Variants in MAGI1 observed in about 807,000 individuals in gnomAD.
MAGI1 encodes the protein membrane-associated guanylate kinase, WW and PDZ domain-containing protein 1.
MAGI1 carries 58 observed loss-of-function variants against 139.9 expected under a neutral mutation model. The observed-to-expected ratio is 0.41, with a 90% CI of 0.34 to 0.52. The LOEUF is 0.52. Among genes scored for constraint, MAGI1 ranks in the 20% least tolerant of loss-of-function variants. MAGI1 has a pLI of 0.12. For missense variants in MAGI1, 1,874 were observed against 1,901.6 expected (o/e 0.99, Z 0.27); for synonymous variants, 812 against 737.9 (o/e 1.10, Z -1.63).
At chr3:65,921,121 C>T (rs550504840) in intron 1 of MAGI1, among the ~76,000 whole-genome samples, 64 of 152,086 alleles carry the variant, frequency 4.2e-4, no homozygotes, top group African/African-American at 1.4e-3. Context: ...TATAATTGCA[C>T]AGAAAATGCA....
chr3:65,565,431 A>G (rs2080568709), intron 2 of MAGI1, among the ~76,000 whole-genome samples: 1 of 152,192 alleles, frequency 6.6e-6, no homozygotes, highest in Non-Finnish European at 1.5e-5. Flanking sequence ...AGCAAAACAA[A>G]AAACAAAACT....
At chr3:65,826,143 C>T (rs1330567652) in intron 1 of MAGI1, among the ~76,000 whole-genome samples, 1 of 151,880 alleles carries the variant, frequency 6.6e-6, no homozygotes, top group African/African-American at 2.4e-5. Context: ...AAAAAATACA[C>T]CAAATGGTAA....
intron 1 of MAGI1, among the ~76,000 whole-genome samples, chr3:65,919,282 C>T (rs1560012833): frequency 6.6e-6 from 1 of 152,132 alleles, no homozygotes; most frequent in Non-Finnish European, 1.5e-5. Context: ...TACACAAGGG[C>T]CAGATGTAAT....
In MAGI1 at chr3:65,667,923, T is replaced by A. The variant is rs145835415; in HGVS notation, c.314-45835A>T. Among the ~76,000 whole-genome samples the A allele has an allele frequency of 3.7e-3, 570 of 152,286 alleles. 11 individuals are homozygous for A. The highest frequency in any genetic ancestry group is 0.026 in the East Asian group (132 of 5,170). On this transcript the variant is annotated intron_variant, in intron 1 of 22. Coordinates refer to ENST00000402939, the MANE Select transcript of MAGI1 (RefSeq NM_001033057.2). ...GCAGCTGGACATGTGTATGGCACAG[T>A]GCAAGGGATTTTCATCAAGTATAGC...
chr3:65,760,182 T>C (rs1331969107), intron 1 of MAGI1, among the ~76,000 whole-genome samples: 1 of 150,954 alleles, frequency 6.6e-6, no homozygotes, highest in East Asian at 1.9e-4. Flanking sequence ...CTCCTCCCCG[T>C]CCTCCTTTAT....
chr3:65,789,250 A>T (rs956915403), intron 1 of MAGI1, among the ~76,000 whole-genome samples: 1 of 152,216 alleles, frequency 6.6e-6, no homozygotes, highest in Non-Finnish European at 1.5e-5. Context: ...AAGAAAGGAA[A>T]GCAAGTACAT....
chr3:65,701,584 C>G (rs917060928), intron 1 of MAGI1, among the ~76,000 whole-genome samples: 7 of 149,734 alleles, frequency 4.7e-5, no homozygotes, highest in African/African-American at 7.3e-5. Context: ...GTTCACTTTT[C>G]TTTTTTTTTT....
At chr3:65,406,438 T>C (rs924164980) in intron 12 of MAGI1, among the ~76,000 whole-genome samples, 3 of 152,060 alleles carry the variant, frequency 2.0e-5, no homozygotes, top group African/African-American at 7.2e-5. Flanking sequence ...TTTGAAAGGG[T>C]GAATCCTAAA....
intron 1 of MAGI1, among the ~76,000 whole-genome samples, chr3:65,916,536 A>G (rs1482063889): frequency 1.3e-5 from 2 of 152,192 alleles, no homozygotes; most frequent in Non-Finnish European, 2.9e-5. Context: ...AAACCATCAG[A>G]TATTGTGAGA....
At chr3:65,365,689 T>C (rs577936432) in intron 18 of MAGI1, among the ~76,000 whole-genome samples, 1 of 152,182 alleles carries the variant, frequency 6.6e-6, no homozygotes, top group Non-Finnish European at 1.5e-5. Context: ...AAATGCTAAA[T>C]GTGGTGTTAG....
chr3:65,910,543 C>T (rs538015868), intron 1 of MAGI1, among the ~76,000 whole-genome samples: 3 of 152,224 alleles, frequency 2.0e-5, no homozygotes, highest in Admixed American at 2.0e-4. Flanking sequence ...AGCACCATGC[C>T]AAACACTGAT....
chr3:65,561,343 G>A (rs1248546577), intron 2 of MAGI1, among the ~76,000 whole-genome samples: 1 of 152,086 alleles, frequency 6.6e-6, no homozygotes, highest in Non-Finnish European at 1.5e-5. Flanking sequence ...CCCAATCTAT[G>A]GCTGGGGCAA....
chr3:65,842,800 G>A (rs2058852429), intron 1 of MAGI1, among the ~76,000 whole-genome samples: 1 of 152,156 alleles, frequency 6.6e-6, no homozygotes, highest in South Asian at 2.1e-4. Flanking sequence ...CTCCTGGAAG[G>A]TGAAGTCATG....
At chr3:65,976,339 C>T (rs1182785443) in intron 1 of MAGI1, among the ~76,000 whole-genome samples, 1 of 152,020 alleles carries the variant, frequency 6.6e-6, no homozygotes, top group Non-Finnish European at 1.5e-5. Context: ...TTTAAAAGAT[C>T]TTTTTTGGGC....
chr3:65,962,565 T>C (rs1576277896), intron 1 of MAGI1, among the ~76,000 whole-genome samples: 1 of 151,690 alleles, frequency 6.6e-6, no homozygotes, highest in Non-Finnish European at 1.5e-5. Flanking sequence ...CCAGGCGAGG[T>C]GGTTCACGTC....
intron 6 of MAGI1, among the ~76,000 whole-genome samples, chr3:65,448,697 TACACACACACAC>T (rs10591133): frequency 2.0e-5 from 3 of 149,724 alleles, no homozygotes; most frequent in Admixed American, 6.7e-5. Flanking sequence ...AGAAAACACA[TACACACACACAC>T]ACACACACAC....
intron 2 of MAGI1, among the ~76,000 whole-genome samples, chr3:65,612,137 CAT>C (rs2083157421): frequency 1.3e-5 from 2 of 152,060 alleles, no homozygotes; most frequent in South Asian, 4.1e-4. Flanking sequence ...GAGACAAAAA[CAT>C]AACATTCACA....
intron 1 of MAGI1, among the ~76,000 whole-genome samples, chr3:65,766,646 T>C (rs2037500081): frequency 6.6e-6 from 1 of 152,010 alleles, no homozygotes; most frequent in Admixed American, 6.5e-5. Flanking sequence ...TCCCAACACT[T>C]TGGGAGGTCA....
chr3:65,911,000 G>A (rs1006690039), intron 1 of MAGI1, among the ~76,000 whole-genome samples: 11 of 151,612 alleles, frequency 7.3e-5, no homozygotes, highest in Middle Eastern at 3.4e-3. Flanking sequence ...TGGGACTACA[G>A]GTGCACGCCA....
Sources: allele counts gnomAD v4.1 joint callset (sites outside exome capture counted in the v4.1 genomes callset), GRCh38; gene constraint gnomAD v4.1.1; transcripts MANE v1.5; gene names NCBI Gene and HGNC (gene_info 2026-07-23, HGNC 2026-07-21).